Variants in PABPC4L observed in about 807,000 individuals in gnomAD.
PABPC4L encodes the protein poly(A) binding protein cytoplasmic 4 like.
For synonymous variants in PABPC4L, 169 were observed against 164.1 expected (o/e 1.03, Z -0.23); for missense variants, 452 against 451.4 (o/e 1.00, Z -0.01).
chr4:134,193,598 A>G (rs549919921), downstream of PABPC4L, among the ~76,000 whole-genome samples: 1 of 151,990 alleles, frequency 6.6e-6, no homozygotes, highest in East Asian at 1.9e-4. Flanking sequence ...ACATATTTCA[A>G]TTTGGCTCCC....
At chr4:134,098,612 C>A in the PABPC4L span, among the ~76,000 whole-genome samples, 1 of 151,468 alleles carries the variant, frequency 6.6e-6, no homozygotes, top group South Asian at 2.1e-4. Flanking sequence ...AAGAGATGAC[C>A]AGGTTTTAGA....
chr4:134,019,535 A>AC, the PABPC4L span, among the ~76,000 whole-genome samples: 1 of 152,204 alleles, frequency 6.6e-6, no homozygotes, highest in South Asian at 2.1e-4. Context: ...GAGAAGAAAA[A>AC]CACCTTAAAT....
At chr4:134,083,430 C>T in the PABPC4L span, among the ~76,000 whole-genome samples, 1,183 of 152,182 alleles carry the variant, frequency 7.8e-3, 46 homozygotes, top group Admixed American at 0.063. Flanking sequence ...GGGATATATC[C>T]TGATTGATTC....
chr4:134,063,437 G>A, the PABPC4L span, among the ~76,000 whole-genome samples: 3 of 152,180 alleles, frequency 2.0e-5, no homozygotes, highest in East Asian at 1.9e-4. Context: ...CCAGGGCACC[G>A]TATGCTGAGG....
the PABPC4L span, among the ~76,000 whole-genome samples, chr4:134,182,716 G>A: frequency 6.6e-6 from 1 of 151,848 alleles, no homozygotes; most frequent in Non-Finnish European, 1.5e-5. Flanking sequence ...TCCAACAGAG[G>A]TCTAATATCC....
At chr4:133,975,755 A>C in the PABPC4L span, among the ~76,000 whole-genome samples, 1 of 152,140 alleles carries the variant, frequency 6.6e-6, no homozygotes, top group African/African-American at 2.4e-5. Flanking sequence ...GTATCCAGGA[A>C]ATGAGCAAGT....
At chr4:134,019,796 C>T in the PABPC4L span, among the ~76,000 whole-genome samples, 1 of 151,986 alleles carries the variant, frequency 6.6e-6, no homozygotes, top group Non-Finnish European at 1.5e-5. Context: ...TAGGAGGTTC[C>T]TGCTTATCAT....
the PABPC4L span, among the ~76,000 whole-genome samples, chr4:133,958,752 T>C: frequency 1.3e-5 from 2 of 152,166 alleles, no homozygotes; most frequent in Non-Finnish European, 2.9e-5. Context: ...CTATCCGATC[T>C]TTTGAGAATT....
chr4:134,093,260 G>A, the PABPC4L span, among the ~76,000 whole-genome samples: 1 of 148,872 alleles, frequency 6.7e-6, no homozygotes, highest in African/African-American at 2.5e-5. Context: ...CTTTATTTCT[G>A]GTTTTTGAGC....
chr4:134,067,826 G>A, the PABPC4L span, among the ~76,000 whole-genome samples: 1 of 152,054 alleles, frequency 6.6e-6, no homozygotes, highest in African/African-American at 2.4e-5. Context: ...CCATGTAATT[G>A]TTTGGTTTTG....
At chr4:134,160,802 T>C in the PABPC4L span, among the ~76,000 whole-genome samples, 1 of 151,916 alleles carries the variant, frequency 6.6e-6, no homozygotes, top group African/African-American at 2.4e-5. Flanking sequence ...AGTTTGAGGC[T>C]GGACAGAGTG....
the PABPC4L span, among the ~76,000 whole-genome samples, chr4:134,040,205 G>GA: frequency 0.054 from 6,088 of 113,298 alleles, 169 homozygotes; most frequent in African/African-American, 0.092. Context: ...CACAGAATTG[G>GA]AAAAAAAAAA....
chr4:133,982,385 T>C, the PABPC4L span, among the ~76,000 whole-genome samples: 1 of 152,026 alleles, frequency 6.6e-6, no homozygotes, highest in African/African-American at 2.4e-5. Flanking sequence ...TTAATTCATG[T>C]TTAACTCTTT....
the PABPC4L span, among the ~76,000 whole-genome samples, chr4:134,068,849 C>G: frequency 6.6e-6 from 1 of 152,000 alleles, no homozygotes; most frequent in Admixed American, 6.5e-5. Context: ...GCTGGGACTA[C>G]AGGGATGCAC....
At chr4:134,007,884 G>C in the PABPC4L span, among the ~76,000 whole-genome samples, 18 of 151,612 alleles carry the variant, frequency 1.2e-4, no homozygotes, top group African/African-American at 4.1e-4. Flanking sequence ...TATTAAAGGA[G>C]ATAAACTGTT....
the PABPC4L span, among the ~76,000 whole-genome samples, chr4:134,144,082 C>A: frequency 1.3e-5 from 2 of 151,540 alleles, no homozygotes; most frequent in African/African-American, 4.8e-5. Flanking sequence ...GATGCCATGT[C>A]ATATCAGAAT....
the PABPC4L span, among the ~76,000 whole-genome samples, chr4:134,043,131 G>C: frequency 6.6e-6 from 1 of 151,946 alleles, no homozygotes; most frequent in Admixed American, 6.6e-5. Context: ...CCTCCTTCCA[G>C]CTGTCCTATC....
chr4:134,058,638 A>G, the PABPC4L span, among the ~76,000 whole-genome samples: 1,158 of 152,174 alleles, frequency 7.6e-3, 15 homozygotes, highest in African/African-American at 0.026. Context: ...TCATTCCTCT[A>G]GATGTTTACT....
chr4:134,135,527 T>A, the PABPC4L span, among the ~76,000 whole-genome samples: 10 of 152,156 alleles, frequency 6.6e-5, no homozygotes, highest in Middle Eastern at 3.4e-3. Flanking sequence ...TTGAAAAAAA[T>A]TTGGATGTTC....
Sources: gnomAD v4.1 joint callset for allele counts (sites outside exome capture counted in the v4.1 genomes callset) on GRCh38, gnomAD v4.1.1 for gene constraint, MANE v1.5 for transcripts, NCBI Gene and HGNC (gene_info 2026-07-23, HGNC 2026-07-21) for gene names.